The following PGS1 variants were observed in gnomAD, a reference collection of about 807,000 sequenced individuals.
PGS1 encodes the protein phosphatidylglycerophosphate synthase 1.
Under a neutral mutation model 58.3 loss-of-function variants are expected in PGS1, and 44 were observed. The ratio of observed to expected loss-of-function variants is 0.75; its 90% CI spans 0.59 to 0.97. The LOEUF (loss-of-function observed/expected upper bound fraction) is 0.97. PGS1 is among the 50% of genes least tolerant of loss of function. The pLI, the probability that PGS1 is intolerant of heterozygous loss-of-function variation, is 0.00. For synonymous variants in PGS1, 330 were observed against 311.0 expected (o/e 1.06, Z -0.64); for missense variants, 684 against 731.1 (o/e 0.94, Z 0.74).
chr17:78,401,346 C>T (rs1179220183), intron 6 of PGS1, among the ~76,000 whole-genome samples: 1 of 152,224 alleles, frequency 6.6e-6, no homozygotes, highest in African/African-American at 2.4e-5. Context: ...GGCCCATTTC[C>T]CCAAGCCTAT....
chr17:78,402,397 CATAT>C (rs10599132), intron 6 of PGS1, among the ~76,000 whole-genome samples: 40 of 108,378 alleles, frequency 3.7e-4, no homozygotes, highest in African/African-American at 1.2e-3. Flanking sequence ...AATTTCTATT[CATAT>C]ATATATATAT....
At chr17:78,387,259 C>A (rs1229222813) in intron 1 of PGS1, among the ~76,000 whole-genome samples, 1 of 151,932 alleles carries the variant, frequency 6.6e-6, no homozygotes, top group Non-Finnish European at 1.5e-5. Context: ...CTGTGCAGGC[C>A]TACCAAAATG....
At chr17:78,394,615 G>T (rs933769152) in intron 2 of PGS1, among the ~76,000 whole-genome samples, 1 of 151,834 alleles carries the variant, frequency 6.6e-6, no homozygotes, top group Non-Finnish European at 1.5e-5. Flanking sequence ...GAGTGCAATG[G>T]CACGATCTCG....
At position 78,392,603 on chromosome 17, in the gene PGS1, G is replaced by C; in HGVS notation, c.271G>C (p.Gly91Arg). The C allele has an allele frequency of 6.2e-7, 1 of 1,614,190 alleles. No individual in the cohort carries two copies. The highest frequency in any genetic ancestry group is 8.5e-7 in the Non-Finnish European group (1 of 1,180,034). The change falls in exon 2 of 10, where the codon GGA (glycine) becomes CGA (arginine). Residue 91 changes from glycine to arginine, a missense_variant. Transcript: ENST00000262764. ...GATCAGAAACCTGGTTCCAGAATTT[G>C]GAGTCTCCAGTTCTCACGTTAGGGT... is the stretch of plus-strand genomic sequence containing the variant. ...QWIRNLVPEF[G>R]VSSSHVRVLS... is the part of the protein sequence containing the mutation.
At chr17:78,418,952 T>A (rs2085449839) in intron 8 of PGS1, among the ~76,000 whole-genome samples, 2 of 152,176 alleles carry the variant, frequency 1.3e-5, no homozygotes, top group Non-Finnish European at 2.9e-5. Context: ...CCAGTTATAT[T>A]TCTTCAACTC....
chr17:78,412,151 G>T (rs998776042), intron 7 of PGS1, among the ~76,000 whole-genome samples: 5 of 152,066 alleles, frequency 3.3e-5, no homozygotes, highest in Admixed American at 6.6e-5. Context: ...ATGCTGGGGT[G>T]TGGGCATCTC....
At chr17:78,423,063 A>C (rs1598414807) in intron 9 of PGS1, among the ~76,000 whole-genome samples, 1 of 149,000 alleles carries the variant, frequency 6.7e-6, no homozygotes, top group African/African-American at 2.5e-5. Flanking sequence ...GCGTCATTGC[A>C]CTCCAGCCTG....
chr17:78,391,719 C>G (rs1018935099), intron 1 of PGS1, among the ~76,000 whole-genome samples: 1 of 152,166 alleles, frequency 6.6e-6, no homozygotes, highest in African/African-American at 2.4e-5. Flanking sequence ...CTTAGGTTGT[C>G]TACCTGCCTC....
intron 3 of PGS1, among the ~76,000 whole-genome samples, chr17:78,397,673 G>A (rs1442832117): frequency 1.3e-5 from 2 of 152,146 alleles, no homozygotes; most frequent in African/African-American, 4.8e-5. Context: ...GACCTTGGGT[G>A]ATGTGCCCAC....
rs386465757 is a variant in PGS1 at position 78,423,129 on chromosome 17, T to C, written c.*11-932T>C. On this transcript the variant is annotated intron_variant, in intron 9 of 9. Transcript: ENST00000262764. ...CGAAAAAAAAAAAAAATGTTGATCC[T>C]GTCTTGGTCCCCCTGGGATCCGTCT... is the stretch of plus-strand genomic sequence containing the variant. Among the ~76,000 whole-genome samples the C allele has an allele frequency of 7.7e-3, 1,152 of 149,390 alleles. 12 individuals are homozygous for C. The highest frequency in any genetic ancestry group is 0.014 in the Non-Finnish European group (933 of 67,622).
chr17:78,423,292 A>T (rs1433595266), intron 9 of PGS1, among the ~76,000 whole-genome samples: 1 of 152,040 alleles, frequency 6.6e-6, no homozygotes, highest in Non-Finnish European at 1.5e-5. Flanking sequence ...ACAGAGTCCT[A>T]CAGGTCCGGG....
chr17:78,410,456 T>C, intron 7 of PGS1, among the ~76,000 whole-genome samples: 1 of 128,378 alleles, frequency 7.8e-6, no homozygotes, highest in Non-Finnish European at 1.6e-5. Context: ...AACCAAAACT[T>C]CAGAGCTTTT....
chr17:78,408,829 G>A (rs1362298941), intron 7 of PGS1, among the ~76,000 whole-genome samples: 1 of 152,216 alleles, frequency 6.6e-6, no homozygotes, highest in Non-Finnish European at 1.5e-5. Flanking sequence ...CGCCCAGTAG[G>A]TGTGGTGGGA....
At chr17:78,394,547 C>G (rs2083081317) in intron 2 of PGS1, among the ~76,000 whole-genome samples, 1 of 151,846 alleles carries the variant, frequency 6.6e-6, no homozygotes, top group African/African-American at 2.4e-5. Flanking sequence ...ACAGGTTTTT[C>G]TTTTCTTTTC....
intron 1 of PGS1, 110 bp from the exon 2 acceptor site, chr17:78,392,366 C>T: frequency 1.5e-6 from 1 of 667,516 alleles, no homozygotes; most frequent in Non-Finnish European, 2.5e-6. Flanking sequence ...ATAACACAAG[C>T]AACGCACCCA....
At chr17:78,410,095 T>C (rs558245394) in intron 7 of PGS1, among the ~76,000 whole-genome samples, 1 of 146,514 alleles carries the variant, frequency 6.8e-6, no homozygotes, top group South Asian at 2.2e-4. Context: ...TGGGTGAGAC[T>C]CCGTCTCAAA....
Position 78,378,810 on chromosome 17 carries a change from T to G in PGS1, c.143+2T>G. 1.4e-6 allele frequency: 2 copies of G among 1,447,926 alleles called. No individual in the cohort carries two copies. The highest frequency in any genetic ancestry group is 1.8e-6 in the Non-Finnish European group (2 of 1,108,360). 89.7% of individuals were successfully genotyped at this position (1,447,926 alleles called of 1,614,324 possible). The stretch of plus-strand genomic sequence containing the variant: ...GAACCGGGACCGCCAGCGCAGGAGG[T>G]GAGAGGGGCGGCCGGGATGAGAGTG... On this transcript the variant is annotated splice_donor_variant, in intron 1 of 9. Coordinates refer to ENST00000262764, the MANE Select transcript of PGS1 (RefSeq NM_024419.5). LOFTEE classifies it high-confidence loss of function.
intron 1 of PGS1, among the ~76,000 whole-genome samples, chr17:78,383,748 A>G (rs1474461676): frequency 6.6e-6 from 1 of 152,194 alleles, no homozygotes; most frequent in African/African-American, 2.4e-5. Flanking sequence ...TTTGCCAAAT[A>G]ATTCAGATTT....
At position 78,414,700 on chromosome 17, in the gene PGS1, G is replaced by A. The variant is rs374719990; in HGVS notation, c.1403-179G>A. Among the ~76,000 whole-genome samples the A allele has an allele frequency of 1.5e-4, 23 of 152,314 alleles. 1 individual carries two copies. The East Asian group carries it at 2.3e-3, about 15-fold the overall frequency. ...TGATCCTGGGTCCCTGCTTCCTGCC[G>A]CGCCGGGGTGGGGGTGGAAGAGTGA... On this transcript the variant is annotated intron_variant, in intron 7 of 9. Transcript: ENST00000262764.
Sources: allele counts gnomAD v4.1 joint callset (sites outside exome capture counted in the v4.1 genomes callset), GRCh38; gene constraint gnomAD v4.1.1; transcripts MANE v1.5; gene names NCBI Gene and HGNC (gene_info 2026-07-23, HGNC 2026-07-21).